The following RGS5 variants were observed in gnomAD, a reference collection of about 807,000 sequenced individuals.
RGS5 encodes regulator of G-protein signalling 5.
RGS5 carries 20 observed loss-of-function variants against 18.9 expected under a neutral mutation model. The ratio of observed to expected loss-of-function variants is 1.06; its 90% CI spans 0.74 to 1.54. RGS5 has a LOEUF of 1.54. Among genes scored for constraint, RGS5 ranks in the 40% most tolerant of loss-of-function variants. RGS5 has a pLI of 0.00. For synonymous variants in RGS5, 57 were observed against 76.2 expected (o/e 0.75, Z 1.31); for missense variants, 201 against 211.8 (o/e 0.95, Z 0.32).
At chr1:163,177,319 T>C (rs1488577362) in intron 1 of RGS5, among the ~76,000 whole-genome samples, 2 of 152,214 alleles carry the variant, frequency 1.3e-5, no homozygotes. Flanking sequence ...GAATCCCAGC[T>C]TAGAATATTA....
intron 2 of RGS5, chr1:163,238,979 A>C (rs1022880391): frequency 4.6e-6 from 1 of 216,258 alleles, no homozygotes; most frequent in Admixed American, 4.4e-5. Context: ...CTCTATCAAG[A>C]CTTCATTATA....
At chr1:163,225,099 T>A (rs1191018599) in intron 2 of RGS5, among the ~76,000 whole-genome samples, 1 of 152,200 alleles carries the variant, frequency 6.6e-6, no homozygotes, top group African/African-American at 2.4e-5. Flanking sequence ...AAAAAATCCT[T>A]GCTTTGATCA....
intron 1 of RGS5, among the ~76,000 whole-genome samples, chr1:163,185,740 G>A (rs1659042540): frequency 6.6e-6 from 1 of 152,178 alleles, no homozygotes; most frequent in South Asian, 2.1e-4. Flanking sequence ...CAAACATTAA[G>A]AGAAACCACA....
At chr1:163,247,647 C>A (rs1469602834) in intron 2 of RGS5, among the ~76,000 whole-genome samples, 3 of 150,054 alleles carry the variant, frequency 2.0e-5, no homozygotes, top group East Asian at 3.9e-4. Context: ...TTATATATAA[C>A]CTTTTTGATA....
At chr1:163,189,238 G>A (rs991568414) in intron 1 of RGS5, among the ~76,000 whole-genome samples, 2 of 152,140 alleles carry the variant, frequency 1.3e-5, no homozygotes, top group African/African-American at 4.8e-5. Context: ...AATCTGGGAA[G>A]TTTTATTGAA....
In RGS5 at chr1:163,142,533, GA is replaced by G. The variant is rs1656963803; in HGVS notation, c.*4808del. 2 of 148,088 alleles carry G rather than the reference GA, an allele frequency of 1.4e-5. No homozygotes were observed. The highest frequency in any genetic ancestry group is 2.9e-5 in the Non-Finnish European group (2 of 67,820). 9.2% of individuals were successfully genotyped at this position (148,088 alleles called of 1,614,324 possible). A position where few individuals can be genotyped will look rare whatever the true frequency, so the allele number is the denominator to read the frequency against. On this transcript the variant is annotated 3_prime_UTR_variant, in exon 5 of 5. Transcript: ENST00000313961. ...TCTCCTGGCTGTGTCTTCCGAAGAT[GA>G]GTTGCTAGTTGCAACATTAAAAAAA...
At chr1:163,243,328 A>G (rs1056364425) in intron 2 of RGS5, among the ~76,000 whole-genome samples, 4 of 152,062 alleles carry the variant, frequency 2.6e-5, no homozygotes, top group African/African-American at 9.7e-5. Flanking sequence ...CATTAGAACA[A>G]ATACTTAATG....
At chr1:163,160,371 C>T (rs976541141) in intron 3 of RGS5, among the ~76,000 whole-genome samples, 2 of 152,070 alleles carry the variant, frequency 1.3e-5, no homozygotes, top group African/African-American at 4.8e-5. Context: ...ACAATAAGTC[C>T]ATTAATAAAC....
chr1:163,204,854 A>C (rs1414993552), upstream of RGS5, among the ~76,000 whole-genome samples: 1 of 152,206 alleles, frequency 6.6e-6, no homozygotes, highest in Non-Finnish European at 1.5e-5. Context: ...TTGAGGAGAT[A>C]ATAATATGAA....
rs995986722 is a variant in RGS5 at position 163,144,864 on chromosome 1, C to T, written c.*2478G>A. ...AACAATTTTAATATGTTTGATTTCT[C>T]ATTTGGGGCTGGAATATTTGTATTC... is the stretch of plus-strand genomic sequence containing the variant. On this transcript the variant is annotated 3_prime_UTR_variant, in exon 5 of 5. Transcript: ENST00000313961. 6.6e-6 allele frequency: 1 copy of T among 152,352 alleles called. No individual in the cohort carries two copies. The highest frequency in any genetic ancestry group is 1.5e-5 in the Non-Finnish European group (1 of 67,962). The allele number at this position is 152,352 out of a possible 1,614,324, so 9.4% of individuals were successfully genotyped here.
At chr1:163,315,403 C>T (rs1294531092) in intron 1 of RGS5, among the ~76,000 whole-genome samples, 3 of 152,200 alleles carry the variant, frequency 2.0e-5, no homozygotes, top group African/African-American at 7.2e-5. Context: ...CAAAAGAAAA[C>T]TGAATTTTAA....
chr1:163,161,320 G>A (rs933215855), intron 3 of RGS5, among the ~76,000 whole-genome samples: 15 of 152,162 alleles, frequency 9.9e-5, no homozygotes, highest in Non-Finnish European at 1.9e-4. Flanking sequence ...TTGGGGAAAT[G>A]CACCTAGTGC....
intron 3 of RGS5, among the ~76,000 whole-genome samples, chr1:163,154,432 A>G (rs1208128762): frequency 1.3e-5 from 2 of 152,166 alleles, no homozygotes; most frequent in Non-Finnish European, 2.9e-5. Context: ...TCAGGATCCA[A>G]GAAAGACACT....
At chr1:163,249,086 T>C (rs747241290) in intron 2 of RGS5, among the ~76,000 whole-genome samples, 2 of 152,190 alleles carry the variant, frequency 1.3e-5, no homozygotes, top group Non-Finnish European at 2.9e-5. Context: ...AAACATTCTT[T>C]AAGTGAAGTT....
intron 1 of RGS5, among the ~76,000 whole-genome samples, chr1:163,192,644 G>A (rs1193685181): frequency 6.6e-5 from 10 of 152,164 alleles, no homozygotes; most frequent in Non-Finnish European, 4.4e-5. Context: ...AAACAATATT[G>A]AGGGTATATG....
At chr1:163,186,928 A>G (rs4657250) in intron 1 of RGS5, among the ~76,000 whole-genome samples, 31,782 of 151,272 alleles carry the variant, frequency 0.21, 3,766 homozygotes, top group African/African-American at 0.32. Context: ...CTTTTATTAC[A>G]TGCCTCTGTG....
chr1:163,150,965 A>C (rs2102381853), intron 4 of RGS5, among the ~76,000 whole-genome samples: 1 of 152,310 alleles, frequency 6.6e-6, no homozygotes, highest in Admixed American at 6.5e-5. Context: ...AGGCTTGCCC[A>C]GATCACCTCC....
At chr1:163,316,020 T>A (rs897004523) in intron 1 of RGS5, among the ~76,000 whole-genome samples, 3 of 152,214 alleles carry the variant, frequency 2.0e-5, no homozygotes, top group African/African-American at 7.2e-5. Flanking sequence ...TACTAGAATT[T>A]ACCATTTTCT....
At chr1:163,310,162 T>A (rs140819736) in intron 1 of RGS5, among the ~76,000 whole-genome samples, 2 of 152,312 alleles carry the variant, frequency 1.3e-5, no homozygotes, top group East Asian at 3.9e-4. Flanking sequence ...TTAAGGGCTG[T>A]AGAATTTTCA....
Sources: gnomAD v4.1 joint callset for allele counts (sites outside exome capture counted in the v4.1 genomes callset) on GRCh38, gnomAD v4.1.1 for gene constraint, MANE v1.5 for transcripts, NCBI Gene and HGNC (gene_info 2026-07-23, HGNC 2026-07-21) for gene names.